The following CHRM3 variants were observed in gnomAD, a reference collection of about 807,000 sequenced individuals.
CHRM3 encodes the protein cholinergic receptor muscarinic 3.
In CHRM3, 11 loss-of-function variants were observed where a neutral mutation model predicts 41.8. That is an observed-to-expected ratio of 0.26 (90% CI 0.17 to 0.44). CHRM3 has a LOEUF of 0.44. CHRM3 is among the 20% of genes least tolerant of loss of function. The pLI, the probability that CHRM3 is intolerant of heterozygous loss-of-function variation, is 1.00. For missense variants in CHRM3, 571 were observed against 745.4 expected (o/e 0.77, Z 2.72); for synonymous variants, 297 against 301.4 (o/e 0.99, Z 0.15).
At chr1:239,555,073 T>C (rs1056908424) in intron 3 of CHRM3, among the ~76,000 whole-genome samples, 2 of 152,132 alleles carry the variant, frequency 1.3e-5, no homozygotes, top group African/African-American at 2.4e-5. Flanking sequence ...TCTAAAATAT[T>C]TGTAGGTGTT....
chr1:239,758,250 T>A (rs182684824), intron 5 of CHRM3, among the ~76,000 whole-genome samples: 3 of 152,302 alleles, frequency 2.0e-5, no homozygotes, highest in Non-Finnish European at 2.9e-5. Flanking sequence ...GCCTTTTACA[T>A]CTAGTATTTT....
At chr1:239,498,478 A>C (rs927363905) in intron 2 of CHRM3, among the ~76,000 whole-genome samples, 12 of 152,190 alleles carry the variant, frequency 7.9e-5, no homozygotes, top group African/African-American at 2.7e-4. Context: ...TGAATCCTAC[A>C]TCTTTTCGTG....
chr1:239,883,429 C>T (rs1201729658), intron 6 of CHRM3, among the ~76,000 whole-genome samples: 3 of 152,194 alleles, frequency 2.0e-5, no homozygotes, highest in Admixed American at 6.5e-5. Context: ...ATGCACTCTT[C>T]CATTTATTTT....
intron 2 of CHRM3, among the ~76,000 whole-genome samples, chr1:239,522,020 G>GTTTTC (rs926933233): frequency 2.0e-5 from 3 of 151,182 alleles, no homozygotes; most frequent in African/African-American, 2.4e-5. Context: ...ACTGAATATT[G>GTTTTC]TTTTCTTTTC....
chr1:239,538,687 T>C (rs1658446171), intron 2 of CHRM3, among the ~76,000 whole-genome samples: 2 of 152,202 alleles, frequency 1.3e-5, no homozygotes, highest in South Asian at 4.1e-4. Context: ...AGGAGTTAAT[T>C]TTCAGTACAA....
Position 239,910,481 on chromosome 1 carries a change from C to T in CHRM3, c.*1257C>T, listed in dbSNP as rs1390526079. 1 of 166,666 alleles carries T rather than the reference C, an allele frequency of 6.0e-6. No individual in the cohort carries two copies. Among genetic ancestry groups the T allele is most frequent in the Non-Finnish European group, 1.5e-5 (1 of 68,084 alleles). The allele number at this position is 166,666 out of a possible 1,614,324, so 10.3% of individuals were successfully genotyped here. On this transcript the variant is annotated 3_prime_UTR_variant, in exon 7 of 7. Coordinates refer to ENST00000676153, the MANE Select transcript of CHRM3 (RefSeq NM_001375978.1). Reference sequence around the variant, plus strand: ...GTGCTTTCTGGTGTTCATTGTGTAACCTTCACCCAGGAATAGGTGAGGTTT... The same window carrying T: ...GTGCTTTCTGGTGTTCATTGTGTAATCTTCACCCAGGAATAGGTGAGGTTT...
chr1:239,810,660 A>G (rs1473605167), intron 5 of CHRM3, among the ~76,000 whole-genome samples: 1 of 152,272 alleles, frequency 6.6e-6, no homozygotes, highest in Non-Finnish European at 1.5e-5. Context: ...TGTTAAATTC[A>G]GAGTAATTAT....
rs1290538141 is a variant in CHRM3, at chr1:239,407,422, AG to A, written c.-521+20196del. Reference sequence around the variant, plus strand: ...TGACTATAAATATATATATATAGAGAGAGAGAGAGAGAGAGAGAGCGCTAAA... The same window carrying A: ...TGACTATAAATATATATATATAGAGAAGAGAGAGAGAGAGAGAGCGCTAAA... On this transcript the variant is annotated intron_variant, in intron 1 of 6. Transcript: ENST00000676153. 2.6e-3 allele frequency among the ~76,000 whole-genome samples: 362 copies of A among 140,544 alleles called. 6 individuals carry two copies. The highest frequency in any genetic ancestry group is 9.9e-3 in the African/African-American group (352 of 35,468). The allele number at this position is 140,544 out of a possible 152,430, so 92.2% of individuals were successfully genotyped here.
chr1:239,903,484 T>C (rs1679737621), intron 6 of CHRM3, among the ~76,000 whole-genome samples: 1 of 152,158 alleles, frequency 6.6e-6, no homozygotes, highest in South Asian at 2.1e-4. Context: ...AAGCTAGCAG[T>C]GGTTAAATGA....
chr1:239,762,845 C>T (rs1666910976), intron 5 of CHRM3, among the ~76,000 whole-genome samples: 1 of 152,042 alleles, frequency 6.6e-6, no homozygotes, highest in South Asian at 2.1e-4. Flanking sequence ...TGGCTGGATT[C>T]AAATAAGACT....
chr1:239,633,990 C>T (rs989790061), intron 4 of CHRM3, among the ~76,000 whole-genome samples: 2 of 152,172 alleles, frequency 1.3e-5, no homozygotes, highest in Non-Finnish European at 2.9e-5. Context: ...GCTATTAAGT[C>T]GAGTATTTTT....
chr1:239,638,098 T>C (rs1670687060), intron 4 of CHRM3, among the ~76,000 whole-genome samples: 1 of 151,724 alleles, frequency 6.6e-6, no homozygotes, highest in Non-Finnish European at 1.5e-5. Flanking sequence ...GAACTCACCA[T>C]TTTTTATGGC....
At chr1:239,453,459 T>A (rs1664705201) in intron 1 of CHRM3, among the ~76,000 whole-genome samples, 1 of 152,230 alleles carries the variant, frequency 6.6e-6, no homozygotes, top group Non-Finnish European at 1.5e-5. Context: ...TACCAATGTC[T>A]ATGAAAACAT....
intron 3 of CHRM3, among the ~76,000 whole-genome samples, chr1:239,604,310 A>T (rs10925927): frequency 7.2e-6 from 1 of 139,742 alleles, no homozygotes; most frequent in Non-Finnish European, 1.5e-5. Flanking sequence ...TTTAACTGAC[A>T]ATCTGAAAAA....
At position 239,664,864 on chromosome 1, in the gene CHRM3, C is replaced by T. The variant is rs370393515; in HGVS notation, c.-249-13322C>T. Among the ~76,000 whole-genome samples, 334 of 152,266 alleles carry T rather than the reference C, an allele frequency of 2.2e-3. 3 individuals are homozygous for T. The highest frequency in any genetic ancestry group is 4.0e-3 in the Non-Finnish European group (269 of 68,026). On this transcript the variant is annotated intron_variant, in intron 4 of 6. Transcript: ENST00000676153. ...TTCTTGTCTACTTTTCACCACGGTTCGGTCTACTCTTGATAGCGGCTTTGC... is the reference window on the plus strand; with the variant it reads ...TTCTTGTCTACTTTTCACCACGGTTTGGTCTACTCTTGATAGCGGCTTTGC...
chr1:239,702,906 A>T (rs1230691200), intron 5 of CHRM3, among the ~76,000 whole-genome samples: 1 of 152,206 alleles, frequency 6.6e-6, no homozygotes, highest in East Asian at 1.9e-4. Context: ...TATTTTAGCA[A>T]CATCTATAAT....
chr1:239,870,837 A>T (rs759160357), intron 6 of CHRM3, among the ~76,000 whole-genome samples: 3 of 152,192 alleles, frequency 2.0e-5, no homozygotes, highest in Non-Finnish European at 2.9e-5. Flanking sequence ...GGGTGTGTTT[A>T]TCCTCTTTTT....
At chr1:239,507,548 T>A (rs1668656589) in intron 2 of CHRM3, among the ~76,000 whole-genome samples, 1 of 152,152 alleles carries the variant, frequency 6.6e-6, no homozygotes, top group Non-Finnish European at 1.5e-5. Flanking sequence ...AGCATGAAAA[T>A]GGACTAATAC....
At chr1:239,407,696 C>A (rs563467672) in intron 1 of CHRM3, among the ~76,000 whole-genome samples, 40 of 152,048 alleles carry the variant, frequency 2.6e-4, no homozygotes, top group African/African-American at 9.2e-4. Context: ...TTAGCACATT[C>A]GATCAGATTT....
Sources: allele counts gnomAD v4.1 joint callset (sites outside exome capture counted in the v4.1 genomes callset), GRCh38; gene constraint gnomAD v4.1.1; transcripts MANE v1.5; gene names NCBI Gene and HGNC (gene_info 2026-07-23, HGNC 2026-07-21).